Variants in GABRG3 observed in about 807,000 individuals in gnomAD.
GABRG3 encodes gamma-aminobutyric acid receptor subunit gamma-3.
A neutral mutation model predicts 48.8 loss-of-function variants in GABRG3; 25 were observed. The ratio of observed to expected loss-of-function variants is 0.51; its 90% CI spans 0.37 to 0.72. The LOEUF is 0.72. Ranked by LOEUF, GABRG3 falls within the 30% of genes least tolerant of loss-of-function variation. GABRG3 has a pLI of 0.00. For synonymous variants in GABRG3, 227 were observed against 217.6 expected (o/e 1.04, Z -0.38); for missense variants, 394 against 577.9 (o/e 0.68, Z 3.26).
intron 3 of GABRG3, among the ~76,000 whole-genome samples, chr15:27,081,823 C>T (rs1015387704): frequency 3.0e-4 from 46 of 152,298 alleles, no homozygotes; most frequent in African/African-American, 1.0e-3. Context: ...ATGCTTTTCC[C>T]GTATGGGTAT....
chr15:27,454,046 A>T lies in GABRG3; in HGVS notation c.575-26604A>T, dbSNP rs138388846. On this transcript the variant is annotated intron_variant, in intron 5 of 9. Coordinates refer to ENST00000615808, the MANE Select transcript of GABRG3 (RefSeq NM_033223.5). ...CAGTCCACTCCATGTCCACACCGGG[A>T]GGTAGTTCCACAGAGGCAGCTGCCA... 5.2e-3 allele frequency among the ~76,000 whole-genome samples: 793 copies of T among 152,274 alleles called. 6 individuals carry two copies. The highest frequency in any genetic ancestry group is 0.018 in the African/African-American group (741 of 41,544).
intron 7 of GABRG3, among the ~76,000 whole-genome samples, chr15:27,521,457 A>G (rs1891157983): frequency 6.6e-6 from 1 of 152,118 alleles, no homozygotes; most frequent in Non-Finnish European, 1.5e-5. Flanking sequence ...GACTCTTTAC[A>G]TTGTAAGGAG....
At chr15:27,125,584 T>G (rs1014497403) in intron 3 of GABRG3, among the ~76,000 whole-genome samples, 7 of 152,264 alleles carry the variant, frequency 4.6e-5, no homozygotes, top group African/African-American at 1.7e-4. Flanking sequence ...AGTATCACTC[T>G]GTATTCCATA....
chr15:27,493,680 C>T (rs533953559), intron 6 of GABRG3, among the ~76,000 whole-genome samples: 40 of 152,090 alleles, frequency 2.6e-4, no homozygotes, highest in Non-Finnish European at 1.3e-4. Context: ...AAGTTAAAAA[C>T]ATTTTTAAAA....
intron 3 of GABRG3, among the ~76,000 whole-genome samples, chr15:27,126,363 C>G (rs1323666450): frequency 9.9e-5 from 15 of 152,208 alleles, no homozygotes; most frequent in Admixed American, 9.8e-4. Context: ...TCTTGTCTGA[C>G]TTGGTGAATC....
intron 5 of GABRG3, among the ~76,000 whole-genome samples, chr15:27,405,585 C>T (rs1352729464): frequency 6.6e-6 from 1 of 152,060 alleles, no homozygotes; most frequent in Admixed American, 6.6e-5. Context: ...CTTATGCATT[C>T]GAGAAGACAT....
chr15:27,132,935 C>T (rs956547509), intron 3 of GABRG3, among the ~76,000 whole-genome samples: 2 of 151,746 alleles, frequency 1.3e-5, no homozygotes, highest in African/African-American at 2.4e-5. Context: ...TAAGCATTTA[C>T]ATCTCTAAAT....
intron 3 of GABRG3, among the ~76,000 whole-genome samples, chr15:27,078,394 A>G (rs1896942907): frequency 1.3e-5 from 2 of 152,032 alleles, no homozygotes; most frequent in Non-Finnish European, 2.9e-5. Flanking sequence ...TTGCTTTATT[A>G]TTTGGGGTTT....
intron 5 of GABRG3, among the ~76,000 whole-genome samples, chr15:27,467,221 C>T (rs1174479815): frequency 6.6e-6 from 1 of 151,932 alleles, no homozygotes; most frequent in Non-Finnish European, 1.5e-5. Context: ...TCATCTCTTT[C>T]ATATCTCTTA....
intron 6 of GABRG3, 170 bp downstream of exon 6, chr15:27,480,957 T>C: frequency 7.1e-7 from 1 of 1,404,800 alleles, no homozygotes; most frequent in Non-Finnish European, 9.2e-7. Flanking sequence ...TTAATTGGTA[T>C]GGGAGAGGGA....
At chr15:26,989,929 T>C (rs1334957009) in intron 2 of GABRG3, among the ~76,000 whole-genome samples, 1 of 152,198 alleles carries the variant, frequency 6.6e-6, no homozygotes, top group African/African-American at 2.4e-5. Flanking sequence ...TCTCCAGTTC[T>C]ATCTATGGCA....
At chr15:27,064,823 G>GC (rs1270617899) in intron 3 of GABRG3, among the ~76,000 whole-genome samples, 4 of 152,194 alleles carry the variant, frequency 2.6e-5, no homozygotes, top group African/African-American at 9.7e-5. Flanking sequence ...TGATTTTGTA[G>GC]CCATACATGA....
chr15:27,265,633 A>C (rs980404036), intron 3 of GABRG3, among the ~76,000 whole-genome samples: 2 of 152,190 alleles, frequency 1.3e-5, no homozygotes, highest in African/African-American at 4.8e-5. Context: ...GCTGGTCCCA[A>C]CTAGGAAACA....
intron 3 of GABRG3, among the ~76,000 whole-genome samples, chr15:27,167,488 A>C (rs1452918828): frequency 6.6e-6 from 1 of 152,194 alleles, no homozygotes; most frequent in Non-Finnish European, 1.5e-5. Flanking sequence ...CACTGCCTGC[A>C]TGTGGTGGGT....
intron 3 of GABRG3, among the ~76,000 whole-genome samples, chr15:27,049,375 C>T (rs118158165): frequency 4.6e-5 from 7 of 152,324 alleles, no homozygotes; most frequent in African/African-American, 1.7e-4. Flanking sequence ...TCACTATCTT[C>T]CTGGAGCACC....
chr15:27,054,405 G>A (rs944373478), intron 3 of GABRG3, among the ~76,000 whole-genome samples: 4 of 151,948 alleles, frequency 2.6e-5, no homozygotes, highest in African/African-American at 7.3e-5. Context: ...TGTACCCCCT[G>A]AATCTAAAAT....
chr15:27,284,788 A>G (rs1475887073), intron 3 of GABRG3, among the ~76,000 whole-genome samples: 1 of 152,236 alleles, frequency 6.6e-6, no homozygotes, highest in Non-Finnish European at 1.5e-5. Flanking sequence ...GCTCCAGGCC[A>G]TAATGATGAA....
At chr15:27,114,011 C>T (rs549475840) in intron 3 of GABRG3, among the ~76,000 whole-genome samples, 1 of 152,338 alleles carries the variant, frequency 6.6e-6, no homozygotes, top group Non-Finnish European at 1.5e-5. Context: ...AGATTTCAAT[C>T]CATTGTGCTT....
intron 3 of GABRG3, among the ~76,000 whole-genome samples, chr15:27,300,695 A>AC: frequency 6.9e-6 from 1 of 144,946 alleles, no homozygotes; most frequent in African/African-American, 2.5e-5. Flanking sequence ...AAAAAAAAAA[A>AC]AACACCTGGA....
Sources: allele counts gnomAD v4.1 joint callset (sites outside exome capture counted in the v4.1 genomes callset), GRCh38; gene constraint gnomAD v4.1.1; transcripts MANE v1.5; gene names NCBI Gene and HGNC (gene_info 2026-07-23, HGNC 2026-07-21).